The following MEIKIN variants were observed in gnomAD, a reference collection of about 807,000 sequenced individuals.
The protein encoded by MEIKIN is meiotic kinetochore factor.
chr5:131,847,968 C>T (rs978257993), intron 11 of MEIKIN, among the ~76,000 whole-genome samples: 3 of 152,100 alleles, frequency 2.0e-5, no homozygotes, highest in Non-Finnish European at 4.4e-5. Flanking sequence ...TTAGAAAATA[C>T]TTAGAGACAA....
chr5:131,904,336 G>T (rs754184664), intron 8 of MEIKIN, among the ~76,000 whole-genome samples: 4 of 152,228 alleles, frequency 2.6e-5, no homozygotes, highest in Non-Finnish European at 2.9e-5. Flanking sequence ...GATATCTACA[G>T]AACTCTCCAC....
At chr5:131,833,236 C>A (rs1749744276) in intron 11 of MEIKIN, among the ~76,000 whole-genome samples, 2 of 152,196 alleles carry the variant, frequency 1.3e-5, no homozygotes, top group South Asian at 4.1e-4. Flanking sequence ...GTTCAACGTT[C>A]CATAAATCTC....
chr5:131,856,133 T>C (rs192307022), intron 9 of MEIKIN, among the ~76,000 whole-genome samples: 4 of 152,300 alleles, frequency 2.6e-5, no homozygotes, highest in African/African-American at 9.6e-5. Context: ...TGGGTATATT[T>C]ACAATAAAAT....
At chr5:131,840,222 G>T (rs1038583929) in intron 11 of MEIKIN, among the ~76,000 whole-genome samples, 4 of 152,190 alleles carry the variant, frequency 2.6e-5, no homozygotes, top group Admixed American at 2.6e-4. Context: ...TTTGTGCTGA[G>T]AGTTTCATTG....
At chr5:131,857,856 C>A (rs1273173206) in intron 9 of MEIKIN, among the ~76,000 whole-genome samples, 7 of 152,320 alleles carry the variant, frequency 4.6e-5, no homozygotes, top group South Asian at 2.1e-4. Context: ...TGTGAGCACA[C>A]CCTGCCACCG....
At chr5:131,873,653 T>C (rs970339568) in intron 9 of MEIKIN, among the ~76,000 whole-genome samples, 1 of 152,164 alleles carries the variant, frequency 6.6e-6, no homozygotes, top group Non-Finnish European at 1.5e-5. Flanking sequence ...GCGGACCTAA[T>C]AGACATCTAC....
At chr5:131,913,652 G>A (rs1479540746) in intron 7 of MEIKIN, among the ~76,000 whole-genome samples, 1 of 152,146 alleles carries the variant, frequency 6.6e-6, no homozygotes, top group African/African-American at 2.4e-5. Flanking sequence ...AGCTAATGCT[G>A]GTAGAATTGG....
At chr5:131,871,926 C>T (rs1038768540) in intron 9 of MEIKIN, among the ~76,000 whole-genome samples, 42 of 152,316 alleles carry the variant, frequency 2.8e-4, no homozygotes, top group African/African-American at 1.0e-3. Flanking sequence ...AACAGACCTG[C>T]AGCTGAGGGT....
intron 7 of MEIKIN, among the ~76,000 whole-genome samples, chr5:131,914,460 GGA>G (rs1036135793): frequency 8.9e-5 from 13 of 146,872 alleles, no homozygotes; most frequent in African/African-American, 2.0e-4. Flanking sequence ...GGAAGGAAGG[GGA>G]GAGAGAGAGA....
chr5:131,895,663 A>G (rs1183674906), intron 8 of MEIKIN, among the ~76,000 whole-genome samples: 3 of 152,266 alleles, frequency 2.0e-5, no homozygotes, highest in Admixed American at 6.5e-5. Context: ...TAGATTTTCT[A>G]GTTTATTTGC....
intron 5 of MEIKIN, 50 bp downstream of exon 5, chr5:131,933,463 A>C: frequency 5.1e-6 from 2 of 395,352 alleles, no homozygotes; most frequent in Non-Finnish European, 8.9e-6. Flanking sequence ...TTGTGGACAA[A>C]AGAATAATTT....
Position 131,813,649 on chromosome 5 carries a change from G to A in MEIKIN, c.1099+5091C>T, listed in dbSNP as rs980368988. Among the ~76,000 whole-genome samples, 7 of 151,848 alleles carry A rather than the reference G, an allele frequency of 4.6e-5. No individual in the cohort carries two copies. In the East Asian group the frequency reaches 9.7e-4, roughly 21 times the overall value. Reference sequence around the variant, plus strand: ...TCACTGTGTTAGCCAGGACGGTCTCGATCTCCTGATCTCATGATCCGCCCG... The same window carrying A: ...TCACTGTGTTAGCCAGGACGGTCTCAATCTCCTGATCTCATGATCCGCCCG... On this transcript the variant is annotated intron_variant, in intron 12 of 12. Coordinates refer to ENST00000442687, the MANE Select transcript of MEIKIN (RefSeq NM_001303622.2).
At chr5:131,940,056 C>T (rs1316069117) in intron 4 of MEIKIN, among the ~76,000 whole-genome samples, 1 of 152,168 alleles carries the variant, frequency 6.6e-6, no homozygotes, top group African/African-American at 2.4e-5. Flanking sequence ...CCATTTTCCT[C>T]TTTTTGAAGA....
intron 8 of MEIKIN, among the ~76,000 whole-genome samples, chr5:131,911,108 G>C (rs1404946341): frequency 6.6e-6 from 1 of 152,038 alleles, no homozygotes; most frequent in African/African-American, 2.4e-5. Context: ...TACAAGATTA[G>C]TTTTTATCAC....
chr5:131,888,436 C>T (rs763091088), intron 8 of MEIKIN, among the ~76,000 whole-genome samples: 3,342 of 148,406 alleles, frequency 0.023, 53 homozygotes, highest in Non-Finnish European at 0.023. Context: ...ATTGTGGTTT[C>T]GATTTGCATT....
chr5:131,923,349 T>C (rs776965456), intron 5 of MEIKIN, among the ~76,000 whole-genome samples: 1 of 152,110 alleles, frequency 6.6e-6, no homozygotes, highest in Non-Finnish European at 1.5e-5. Flanking sequence ...TGGAAACTCA[T>C]AATTTATAGC....
intron 7 of MEIKIN, among the ~76,000 whole-genome samples, chr5:131,913,007 C>T (rs1284158708): frequency 6.6e-6 from 1 of 152,168 alleles, no homozygotes; most frequent in African/African-American, 2.4e-5. Flanking sequence ...GAAAGTCTTT[C>T]TCAATCTTGA....
chr5:131,897,362 T>C (rs1436020709), intron 8 of MEIKIN, among the ~76,000 whole-genome samples: 1 of 152,214 alleles, frequency 6.6e-6, no homozygotes, highest in Non-Finnish European at 1.5e-5. Flanking sequence ...TTATGTGTCT[T>C]AGGGAGGAGT....
intron 8 of MEIKIN, among the ~76,000 whole-genome samples, chr5:131,899,456 G>C (rs753395577): frequency 1.3e-5 from 2 of 151,210 alleles, no homozygotes; most frequent in East Asian, 3.9e-4. Flanking sequence ...AAAATGTCAG[G>C]AGTAAGTCTC....
Sources: gnomAD v4.1 joint callset for allele counts (sites outside exome capture counted in the v4.1 genomes callset) on GRCh38, gnomAD v4.1.1 for gene constraint, MANE v1.5 for transcripts, NCBI Gene and HGNC (gene_info 2026-07-23, HGNC 2026-07-21) for gene names.